Variants in MBD4 observed in about 807,000 individuals in gnomAD.
The protein encoded by MBD4 is methyl-CpG-binding domain protein 4.
In MBD4, 53 loss-of-function variants were observed where a neutral mutation model predicts 60.2. That is an observed-to-expected ratio of 0.88 (90% confidence interval 0.71 to 1.11). The LOEUF (loss-of-function observed/expected upper bound fraction) is 1.11, where lower values mean the gene tolerates loss of function less well. MBD4 is among the 50% of genes least tolerant of loss of function. The pLI is 0.00. For missense variants in MBD4, 619 were observed against 674.0 expected, an observed-to-expected ratio of 0.92 and a Z score of 0.90; for synonymous variants, 231 against 229.8, an observed-to-expected ratio of 1.01 and a Z score of -0.05.
At position 129,433,065 on chromosome 3, in the gene MBD4, TTA is replaced by T. The variant is rs1251698835; in HGVS notation, c.1543+31_1543+32del. 7 of 1,612,090 alleles carry T rather than the reference TTA, an allele frequency of 4.3e-6. No homozygotes were observed. In the African/African-American group the frequency reaches 6.7e-5, roughly 15 times the overall value. ...GGCTCTCTTAAATAAGCACAATGTATTATGTTTTTCCTTTGGGTGTATAGGAA... is the reference window on the plus strand; with the variant it reads ...GGCTCTCTTAAATAAGCACAATGTATTGTTTTTCCTTTGGGTGTATAGGAA... On this transcript the variant is annotated intron_variant, in intron 6 of 7. Transcript: ENST00000429544.
In MBD4 at chr3:129,436,472, T is replaced by C; in HGVS notation, c.1172A>G (p.Lys391Arg). Reference protein sequence around the residue: ...EMDNNCSPTRKDFTEDTIPRT... With the variant: ...EMDNNCSPTRRDFTEDTIPRT... The stretch of plus-strand genomic sequence containing the variant: ...AAATATTTTCTCACCAGTGAAGTCT[T>C]TCCTGGTTGGTGAGCAGTTGTTGTC... Residue 391 changes from lysine (K) to arginine (R), a missense_variant, in exon 3 of 8, where the codon AAA becomes AGA. Transcript: ENST00000429544. The C allele has an allele frequency of 6.2e-7, 1 of 1,614,094 alleles. No individual in the cohort carries two copies. Among genetic ancestry groups the C allele is most frequent in the Non-Finnish European group, 8.5e-7 (1 of 1,179,990 alleles).
At chr3:129,438,010 A>G (rs2072502832) in intron 1 of MBD4, 60 bp from the exon 2 acceptor site, 1 of 999,202 alleles carries the variant, frequency 1.0e-6, no homozygotes, top group South Asian at 1.3e-5. Flanking sequence ...CTGCCTACTC[A>G]GTTTTAATCC....
chr3:129,432,716 T>C, intron 6 of MBD4, 110 bp from the exon 7 acceptor site: 1 of 1,033,976 alleles, frequency 9.7e-7, no homozygotes, highest in South Asian at 1.3e-5. Context: ...CAGGAAAGGC[T>C]CTTTCCCAGC....
intron 5 of MBD4, 132 bp from the exon 6 acceptor site, chr3:129,433,379 T>A: frequency 1.0e-6 from 1 of 960,440 alleles, no homozygotes; most frequent in Non-Finnish European, 1.6e-6. Flanking sequence ...AAAACACTGG[T>A]GAGAAGCCAT....
chr3:129,439,709 C>CA (rs765510558), intron 1 of MBD4, 21 bp downstream of exon 1: 2 of 1,454,600 alleles, frequency 1.4e-6, no homozygotes, highest in Non-Finnish European at 1.9e-6. Context: ...AACTGAGGCC[C>CA]AAAAGGGGAC....
At chr3:129,432,417 T>G (rs2072364023) in intron 7 of MBD4, 86 bp downstream of exon 7, 2 of 1,611,288 alleles carry the variant, frequency 1.2e-6, no homozygotes, top group South Asian at 1.1e-5. Flanking sequence ...AGCATTTGTA[T>G]CCAATAAATA....
At chr3:129,436,372 A>C in intron 3 of MBD4, 89 bp downstream of exon 3, 1 of 1,520,580 alleles carries the variant, frequency 6.6e-7, no homozygotes, top group Non-Finnish European at 9.0e-7. Context: ...ATGTATGGGC[A>C]CGAATACAAG....
At position 129,430,991 on chromosome 3, in the gene MBD4, T is replaced by TA. The variant is rs2072333390; in HGVS notation, c.*509_*510insT. On this transcript the variant is annotated 3_prime_UTR_variant, in exon 8 of 8. Transcript: ENST00000429544. ...TTTATTTTTATTTTTTAAATATATATTTTTTGAGACAGGGTCTCTCTCTGT... is the reference window on the plus strand; with the variant it reads ...TTTATTTTTATTTTTTAAATATATATATTTTTGAGACAGGGTCTCTCTCTGT... 1 of 154,406 alleles carries TA rather than the reference T, an allele frequency of 6.5e-6. No individual in the cohort carries two copies. The highest frequency in any genetic ancestry group is 1.4e-5 in the Non-Finnish European group (1 of 69,554). The allele number at this position is 154,406 out of a possible 1,614,324, so 9.6% of individuals were successfully genotyped here.
chr3:129,433,750 G>T, intron 5 of MBD4, 100 bp downstream of exon 5: 1 of 1,427,810 alleles, frequency 7.0e-7, no homozygotes, highest in Non-Finnish European at 9.8e-7. Context: ...CCTATCCCAG[G>T]TGACACACTC....
Position 129,436,619 on chromosome 3 carries a change from G to C in MBD4, c.1025C>G (p.Ser342Ter). 6.2e-7 allele frequency: 1 copy of C among 1,614,096 alleles called. No homozygotes were observed. Among genetic ancestry groups the C allele is most frequent in the Non-Finnish European group, 8.5e-7 (1 of 1,180,010 alleles). ...IINKFCSAKD[S>*]EHNEKYEDTF... ...ATCCTCATACTTCTCGTTGTGTTCT[G>C]AGTCTTTGGCTGAACAAAATTTGTT... The change falls in exon 3 of 8, where the codon TCA becomes TGA. Residue 342 changes from serine (S) to a stop codon, truncating the protein, a stop_gained. Transcript: ENST00000429544. LOFTEE classifies it high-confidence loss of function.
intron 6 of MBD4, 79 bp downstream of exon 6, chr3:129,433,019 G>T: frequency 6.4e-7 from 1 of 1,556,890 alleles, no homozygotes; most frequent in Non-Finnish European, 8.9e-7. Context: ...TAGTATCTGA[G>T]AACATTAAAG....
rs767558911 is a variant in MBD4, at chr3:129,436,670, G to C, written c.974C>G (p.Ser325Cys). Residue 325 changes from serine (S) to cysteine (C), a missense_variant, in exon 3 of 8, where the codon TCT becomes TGT. Coordinates refer to ENST00000429544, the MANE Select transcript of MBD4 (RefSeq NM_001276270.2). ...RSLSSGSNFC[S>C]EQKTSGIINK... ...TATGATGCCAGAAGTTTTTTGTTCA[G>C]AACAAAAATTTGATCCTGAACTCAA... The C allele has an allele frequency of 4.3e-6, 7 of 1,613,962 alleles. No individual in the cohort carries two copies. Among genetic ancestry groups the C allele is most frequent in the Admixed American group, 1.7e-5 (1 of 59,998 alleles).
Position 129,439,941 on chromosome 3 carries a change from G to A in MBD4, c.-108C>T. ...CTCACGGCACCGGGCTGCAACCGAG[G>A]TCTGAATGTTGCGAAAGCGCCCCAG... On this transcript the variant is annotated 5_prime_UTR_variant, in exon 1 of 8. Coordinates refer to ENST00000429544, the MANE Select transcript of MBD4 (RefSeq NM_001276270.2). 1 of 868,830 alleles carries A rather than the reference G, an allele frequency of 1.2e-6. No individual in the cohort carries two copies. The highest frequency in any genetic ancestry group is 2.6e-5 in the East Asian group (1 of 38,044). 53.8% of individuals were successfully genotyped at this position (868,830 alleles called of 1,614,324 possible).
chr3:129,434,027 A>G (rs111700317), intron 4 of MBD4, 35 bp downstream of exon 4: 6 of 1,614,184 alleles, frequency 3.7e-6, no homozygotes, highest in Non-Finnish European at 5.1e-6. Flanking sequence ...CCAAAATGGA[A>G]TTAGAATTTG....
In MBD4 at chr3:129,436,490, T is replaced by G; in HGVS notation, c.1154A>C (p.Asn385Thr). 6.2e-7 allele frequency: 1 copy of G among 1,614,134 alleles called. No individual in the cohort carries two copies. Among genetic ancestry groups the G allele is most frequent in the Non-Finnish European group, 8.5e-7 (1 of 1,179,992 alleles). The change falls in exon 3 of 8, where the codon AAC becomes ACC. Residue 385 changes from asparagine to threonine, a missense_variant. Asn to Thr is a moderately conservative substitution (Grantham distance 65). Transcript: ENST00000429544. ...ILKRGSEMDNNCSPTRKDFTE... is the reference protein window; with the variant it reads ...ILKRGSEMDNTCSPTRKDFTE... ...GAAGTCTTTCCTGGTTGGTGAGCAG[T>G]TGTTGTCCATTTCAGAGCCACGTTT...
At chr3:129,438,009 C>G in intron 1 of MBD4, 59 bp from the exon 2 acceptor site, 1 of 995,138 alleles carries the variant, frequency 1.0e-6, no homozygotes, top group South Asian at 1.3e-5. Context: ...ACTGCCTACT[C>G]AGTTTTAATC....
intron 2 of MBD4, 134 bp from the exon 3 acceptor site, chr3:129,437,442 G>T: frequency 1.4e-6 from 1 of 735,520 alleles, no homozygotes; most frequent in East Asian, 2.7e-5. Flanking sequence ...ATGAAAAAGA[G>T]TGATAAATGG....
intron 1 of MBD4, among the ~76,000 whole-genome samples, chr3:129,438,318 T>C (rs1001668940): frequency 6.6e-6 from 1 of 152,198 alleles, no homozygotes; most frequent in Non-Finnish European, 1.5e-5. Flanking sequence ...AATAAATCAG[T>C]GAGTTACACT....
intron 5 of MBD4, 43 bp from the exon 6 acceptor site, chr3:129,433,290 G>A: frequency 6.2e-7 from 1 of 1,608,184 alleles, no homozygotes; most frequent in Non-Finnish European, 8.5e-7. Flanking sequence ...ACTCCAGGTG[G>A]GCTGATTTCA....
Sources: gnomAD v4.1 joint callset for allele counts (sites outside exome capture counted in the v4.1 genomes callset) on GRCh38, gnomAD v4.1.1 for gene constraint, MANE v1.5 for transcripts, NCBI Gene and HGNC (gene_info 2026-07-23, HGNC 2026-07-21) for gene names.